The following TGFBR1 variants were observed in gnomAD, a reference collection of about 807,000 sequenced individuals.
The protein encoded by TGFBR1 is TGF-beta receptor type-1.
A neutral mutation model predicts 55.1 loss-of-function variants in TGFBR1; 20 were observed. The observed-to-expected ratio is 0.36, with a 90% CI of 0.26 to 0.53. TGFBR1 has a LOEUF of 0.53. Ranked by LOEUF, TGFBR1 falls within the 20% of genes least tolerant of loss-of-function variation. The probability of loss-of-function intolerance (pLI) is 0.91; values close to 1 mark genes in which losing one functional copy is unlikely to be tolerated. For missense variants in TGFBR1, 385 were observed against 617.6 expected (o/e 0.62, Z 3.99); for synonymous variants, 220 against 214.8 (o/e 1.02, Z -0.21).
intron 4 of TGFBR1, among the ~76,000 whole-genome samples, chr9:99,139,605 T>TA (rs1393948362): frequency 2.0e-5 from 3 of 152,234 alleles, no homozygotes. Flanking sequence ...TGTAAACACT[T>TA]ATAAAATGTA....
intron 2 of TGFBR1, among the ~76,000 whole-genome samples, chr9:99,130,240 G>C (rs1243440395): frequency 1.3e-5 from 2 of 152,132 alleles, no homozygotes; most frequent in African/African-American, 4.8e-5. Flanking sequence ...CAAAGGATTT[G>C]GGGGGTGAGG....
intron 1 of TGFBR1, among the ~76,000 whole-genome samples, chr9:99,122,601 A>G (rs2118474444): frequency 6.6e-6 from 1 of 152,152 alleles, no homozygotes; most frequent in East Asian, 1.9e-4. Flanking sequence ...CTTTTTCCTC[A>G]TGTCACTTCC....
At chr9:99,115,191 T>G (rs1826701236) in intron 1 of TGFBR1, among the ~76,000 whole-genome samples, 1 of 152,208 alleles carries the variant, frequency 6.6e-6, no homozygotes, top group African/African-American at 2.4e-5. Context: ...GATTCACTTT[T>G]CCTTTTTTCT....
rs1828000029 is a variant in TGFBR1, at chr9:99,152,255, T to A, written c.*2950T>A. 1 of 215,298 alleles carries A rather than the reference T, an allele frequency of 4.6e-6. No homozygotes were observed. Among genetic ancestry groups the A allele is most frequent in the Non-Finnish European group, 9.4e-6 (1 of 106,588 alleles). 13.3% of individuals were successfully genotyped at this position (215,298 alleles called of 1,614,324 possible). ...AGTTTGGAGATTGAGCAGATGAGGCTTGGGATGCCCCTGCTTTGACTTCAG... is the reference window on the plus strand; with the variant it reads ...AGTTTGGAGATTGAGCAGATGAGGCATGGGATGCCCCTGCTTTGACTTCAG... On this transcript the variant is annotated 3_prime_UTR_variant, in exon 9 of 9. Transcript: ENST00000374994.
rs1826418790 is a variant in TGFBR1 at position 99,106,503 on chromosome 9, T to C, written c.97+1201T>C. The stretch of plus-strand genomic sequence containing the variant: ...CCTAATAGCTACCGTCTATGTATTG[T>C]GCATTACTACGATGTAAATGCATAC... On this transcript the variant is annotated intron_variant, in intron 1 of 8. Coordinates refer to ENST00000374994, the MANE Select transcript of TGFBR1 (RefSeq NM_004612.4). 2.0e-5 allele frequency among the ~76,000 whole-genome samples: 3 copies of C among 152,364 alleles called. No individual in the cohort carries two copies. The South Asian group carries it at 6.2e-4, about 32-fold the overall frequency.
intron 1 of TGFBR1, among the ~76,000 whole-genome samples, chr9:99,105,903 G>T (rs182168589): frequency 5.3e-5 from 8 of 152,308 alleles, no homozygotes; most frequent in Non-Finnish European, 1.0e-4. Flanking sequence ...CCTGACTCCC[G>T]CCCGGCTCGA....
At chr9:99,130,164 CT>C (rs1827176719) in intron 2 of TGFBR1, among the ~76,000 whole-genome samples, 1 of 152,170 alleles carries the variant, frequency 6.6e-6, no homozygotes, top group Admixed American at 6.5e-5. Context: ...TGACACCAGA[CT>C]AGTAAAGAAT....
At chr9:99,105,419 C>T (rs1485318943) in intron 1 of TGFBR1, 117 bp downstream of exon 1, 2 of 876,288 alleles carry the variant, frequency 2.3e-6, no homozygotes, top group African/African-American at 1.8e-5. Flanking sequence ...GTGGCGGCGC[C>T]GGGGCCCGGG....
At chr9:99,107,511 C>T (rs534876846) in intron 1 of TGFBR1, among the ~76,000 whole-genome samples, 31 of 152,258 alleles carry the variant, frequency 2.0e-4, no homozygotes, top group African/African-American at 7.5e-4. Flanking sequence ...GAAAACGTGC[C>T]CCCAATCCAA....
rs7861780 is a variant in TGFBR1, at chr9:99,144,883, A to C, written c.1125A>C (p.Thr375=). ...IDIAPNHRVG[T]KRYMAPEVLD... ...TTGCTCCAAACCACAGAGTGGGAACAAAAAGGTATACTTTTGAACAACTAT... is the reference window on the plus strand; with the variant it reads ...TTGCTCCAAACCACAGAGTGGGAACCAAAAGGTATACTTTTGAACAACTAT... The change falls in exon 6 of 9, where the codon ACA becomes ACC. Residue 375 remains threonine, a synonymous_variant. Coordinates refer to ENST00000374994, the MANE Select transcript of TGFBR1 (RefSeq NM_004612.4). 6,944 of 1,613,796 alleles carry C rather than the reference A, an allele frequency of 4.3e-3. 24 individuals are homozygous for C. Among genetic ancestry groups the C allele is most frequent in the Middle Eastern group, 6.4e-3 (39 of 6,056 alleles).
chr9:99,130,109 C>T (rs148021812), intron 2 of TGFBR1, among the ~76,000 whole-genome samples: 10 of 152,264 alleles, frequency 6.6e-5, no homozygotes, highest in African/African-American at 2.4e-4. Context: ...GAATGCCACC[C>T]ACATGCCAGC....
At chr9:99,140,422 C>G (rs1209304129) in intron 4 of TGFBR1, among the ~76,000 whole-genome samples, 1 of 152,032 alleles carries the variant, frequency 6.6e-6, no homozygotes, top group Non-Finnish European at 1.5e-5. Context: ...CACCACTGCA[C>G]TCCAGCCTGG....
At chr9:99,138,398 G>A (rs1277747008) in intron 4 of TGFBR1, among the ~76,000 whole-genome samples, 1 of 152,154 alleles carries the variant, frequency 6.6e-6, no homozygotes, top group Non-Finnish European at 1.5e-5. Context: ...TCATGATATA[G>A]AAAAGATATA....
Position 99,128,553 on chromosome 9 carries a change from T to G in TGFBR1, c.98-302T>G, listed in dbSNP as rs573870208. 3.1e-4 allele frequency: 139 copies of G among 448,338 alleles called. 1 individual carries two copies. The highest frequency in any genetic ancestry group is 8.8e-4 in the East Asian group (17 of 19,322). The allele number at this position is 448,338 out of a possible 1,614,324, so 27.8% of individuals were successfully genotyped here. On this transcript the variant is annotated intron_variant, in intron 1 of 8. Coordinates refer to ENST00000374994, the MANE Select transcript of TGFBR1 (RefSeq NM_004612.4). ...TTGTTTCTAATGGGAAGGCAAATGC[T>G]TGCCTTGCTTTGATGAAATTGAACA...
chr9:99,146,600 T>G lies in TGFBR1; in HGVS notation c.1246T>G (p.Ser416Ala), dbSNP rs1827804949. Residue 416 changes from serine (S) to alanine (A), a missense_variant, in exon 7 of 9, where the codon TCC (serine) becomes GCC (alanine). This residue lies in a region of TGFBR1 where 110 missense variants were observed against 154.6 expected (regional missense o/e 0.71). Coordinates refer to ENST00000374994, the MANE Select transcript of TGFBR1 (RefSeq NM_004612.4). ...LVFWEIARRC[S>A]IGGIHEDYQL... ...ATTCTGGGAAATTGCTCGACGATGTTCCATTGGTGGTAAATTGCTCTCCTC... is the reference window on the plus strand; with the variant it reads ...ATTCTGGGAAATTGCTCGACGATGTGCCATTGGTGGTAAATTGCTCTCCTC... 1 of 1,613,870 alleles carries G rather than the reference T, an allele frequency of 6.2e-7. No individual in the cohort carries two copies. Among genetic ancestry groups the G allele is most frequent in the African/African-American group, 1.3e-5 (1 of 74,916 alleles).
Position 99,147,568 on chromosome 9 carries a change from G to A in TGFBR1, c.1256-86G>A, listed in dbSNP as rs1176775203. On this transcript the variant is annotated intron_variant, in intron 7 of 8. Transcript: ENST00000374994. ...ATACCTACTTTAGTAATGAAACACT[G>A]TAATAGGTCTCTCAGGTGATCTTTT... 41 of 1,268,694 alleles carry A rather than the reference G, an allele frequency of 3.2e-5. No homozygotes were observed. In the Admixed American group the frequency reaches 7.4e-4, roughly 23 times the overall value. 78.6% of individuals were successfully genotyped at this position (1,268,694 alleles called of 1,614,324 possible).
intron 5 of TGFBR1, 21 bp from the exon 6 acceptor site, chr9:99,144,711 G>A (rs775165862): frequency 3.7e-6 from 6 of 1,613,160 alleles, no homozygotes; most frequent in Non-Finnish European, 4.2e-6. Context: ...AAGCAGTCAT[G>A]TTTAATTTTT....
In TGFBR1 at chr9:99,132,561, A is replaced by G. The variant is rs1462490895; in HGVS notation, c.396A>G (p.Gly132=). 2.6e-5 allele frequency: 42 copies of G among 1,614,150 alleles called. No individual in the cohort carries two copies. Among genetic ancestry groups the G allele is most frequent in the Non-Finnish European group, 3.6e-5 (42 of 1,180,020 alleles). ...GPVELAAVIA[G]PVCFVCISLM... is the part of the protein sequence containing the mutation. ...TGGAACTGGCAGCTGTCATTGCTGGACCAGTGTGCTTCGTCTGCATCTCAC... is the reference window on the plus strand; with the variant it reads ...TGGAACTGGCAGCTGTCATTGCTGGGCCAGTGTGCTTCGTCTGCATCTCAC... Residue 132 remains glycine, a synonymous_variant, in exon 3 of 9, where the codon GGA becomes GGG. Coordinates refer to ENST00000374994, the MANE Select transcript of TGFBR1 (RefSeq NM_004612.4).
chr9:99,143,295 CTG>C (rs1199807119), intron 5 of TGFBR1, among the ~76,000 whole-genome samples: 1 of 152,104 alleles, frequency 6.6e-6, no homozygotes, highest in East Asian at 1.9e-4. Context: ...TCAGGTCCAA[CTG>C]AATATATTTT....
Sources: gnomAD v4.1 joint callset for allele counts (sites outside exome capture counted in the v4.1 genomes callset) on GRCh38, gnomAD v4.1.1 for gene constraint, gnomAD v4.1.1 regional missense constraint, MANE v1.5 for transcripts, NCBI Gene and HGNC (gene_info 2026-07-23, HGNC 2026-07-21) for gene names.